Variants in SPATA17 observed in about 807,000 individuals in gnomAD.
The protein encoded by SPATA17 is spermatogenesis associated 17.
In SPATA17, 53 loss-of-function variants were observed where a neutral mutation model predicts 62.2. The observed-to-expected ratio is 0.85, with a 90% CI of 0.68 to 1.07. SPATA17 has a LOEUF of 1.07. Ranked by LOEUF, SPATA17 falls within the 50% of genes least tolerant of loss-of-function variation. The pLI is 0.00. For synonymous variants in SPATA17, 146 were observed against 146.8 expected, an observed-to-expected ratio of 0.99 and a Z score of 0.04; for missense variants, 466 against 425.5, an observed-to-expected ratio of 1.10 and a Z score of -0.84.
chr1:217,847,775 G>A (rs1328256683), intron 9 of SPATA17, among the ~76,000 whole-genome samples: 2 of 152,088 alleles, frequency 1.3e-5, no homozygotes, highest in Non-Finnish European at 2.9e-5. Context: ...ATCAGGCCAG[G>A]TGCCTGTAAT....
chr1:217,782,532 A>G (rs1673754485), intron 8 of SPATA17, among the ~76,000 whole-genome samples: 1 of 152,148 alleles, frequency 6.6e-6, no homozygotes. Flanking sequence ...AACTCAAAAG[A>G]CAAAAAAAAG....
intron 9 of SPATA17, among the ~76,000 whole-genome samples, chr1:217,829,852 A>G (rs1323852418): frequency 6.6e-6 from 1 of 151,912 alleles, no homozygotes; most frequent in Non-Finnish European, 1.5e-5. Context: ...CAGCGAGCCA[A>G]TGTACAACAT....
At chr1:217,725,446 T>C (rs1219525957) in intron 5 of SPATA17, among the ~76,000 whole-genome samples, 3 of 152,016 alleles carry the variant, frequency 2.0e-5, no homozygotes, top group Admixed American at 1.3e-4. Flanking sequence ...AAATACCAAA[T>C]TGTGTTTTTA....
Position 217,814,057 on chromosome 1 carries a change from C to T in SPATA17, c.1005+12207C>T, listed in dbSNP as rs569229636. 1.4e-4 allele frequency among the ~76,000 whole-genome samples: 22 copies of T among 152,062 alleles called. No individual in the cohort carries two copies. In the South Asian group the frequency reaches 4.6e-3, roughly 32 times the overall value. ...CTTTTAAAAATGATACAACAGGGTT[C>T]CTGATTTGAATTTTAACTTGTGAAT... On this transcript the variant is annotated intron_variant, in intron 9 of 10. Transcript: ENST00000366933.
intron 5 of SPATA17, among the ~76,000 whole-genome samples, chr1:217,723,971 A>G (rs1473068395): frequency 6.6e-6 from 1 of 152,214 alleles, no homozygotes; most frequent in Non-Finnish European, 1.5e-5. Context: ...GGCGGAGCTA[A>G]CCTCCAATCA....
chr1:217,825,463 G>T (rs537957437), intron 9 of SPATA17, among the ~76,000 whole-genome samples: 1 of 151,488 alleles, frequency 6.6e-6, no homozygotes, highest in African/African-American at 2.4e-5. Flanking sequence ...TTTTTCACTC[G>T]TGTAAAATAT....
At chr1:217,644,396 G>A (rs1190749651) in intron 1 of SPATA17, among the ~76,000 whole-genome samples, 1 of 152,080 alleles carries the variant, frequency 6.6e-6, no homozygotes, top group Non-Finnish European at 1.5e-5. Context: ...GAAATTATAT[G>A]CAAAACAATA....
intron 9 of SPATA17, among the ~76,000 whole-genome samples, chr1:217,822,284 T>C (rs1674882972): frequency 6.6e-6 from 1 of 152,072 alleles, no homozygotes; most frequent in African/African-American, 2.4e-5. Flanking sequence ...AAAATTCTTT[T>C]AAAAACTTAC....
chr1:217,810,807 AG>A (rs1278530938), intron 9 of SPATA17, among the ~76,000 whole-genome samples: 1 of 151,994 alleles, frequency 6.6e-6, no homozygotes, highest in Non-Finnish European at 1.5e-5. Flanking sequence ...GAAGAGTGCA[AG>A]GGGGAACTGC....
chr1:217,870,834 G>A lies in SPATA17; in HGVS notation c.*3815G>A, dbSNP rs1676114838. 6.6e-6 allele frequency: 1 copy of A among 152,056 alleles called. No individual in the cohort carries two copies. The highest frequency in any genetic ancestry group is 2.4e-5 in the African/African-American group (1 of 41,406). The allele number at this position is 152,056 out of a possible 1,614,324, so 9.4% of individuals were successfully genotyped here. ...TCCACTACTCTCTAATTTCCTTGAG[G>A]GCAAATATTGTCTTTCTTGATAAAT... On this transcript the variant is annotated 3_prime_UTR_variant, in exon 11 of 11. Transcript: ENST00000366933.
In SPATA17 at chr1:217,641,589, A is replaced by G. The variant is rs1194524030; in HGVS notation, c.69-7293A>G. Among the ~76,000 whole-genome samples the G allele has an allele frequency of 2.6e-5, 4 of 152,210 alleles. No individual in the cohort carries two copies. The East Asian group carries it at 7.7e-4, about 29-fold the overall frequency. On this transcript the variant is annotated intron_variant, in intron 1 of 10. Coordinates refer to ENST00000366933, the MANE Select transcript of SPATA17 (RefSeq NM_138796.4). Reference sequence around the variant, plus strand: ...ATAAATGTTTAGAGATTAAAAACACAGTATCTGAAATTTAAAAATTATTAG... The same window carrying G: ...ATAAATGTTTAGAGATTAAAAACACGGTATCTGAAATTTAAAAATTATTAG...
chr1:217,744,135 T>G (rs1672692292), intron 6 of SPATA17, among the ~76,000 whole-genome samples: 1 of 152,168 alleles, frequency 6.6e-6, no homozygotes, highest in Admixed American at 6.5e-5. Context: ...TCATTTCATT[T>G]CATTTCATTT....
At chr1:217,824,318 A>G (rs1400600546) in intron 9 of SPATA17, among the ~76,000 whole-genome samples, 1 of 151,612 alleles carries the variant, frequency 6.6e-6, no homozygotes, top group East Asian at 1.9e-4. Flanking sequence ...CTGTTCTTTT[A>G]TATATTATGT....
chr1:217,758,981 A>G lies in SPATA17; in HGVS notation c.520-15353A>G, dbSNP rs547475581. ...GTGGGCATGAAGGCATCAAAGAACT[A>G]TGAGGCTATAATATTGGGATGGGTT... On this transcript the variant is annotated intron_variant, in intron 6 of 10. Transcript: ENST00000366933. Among the ~76,000 whole-genome samples, 29 of 152,320 alleles carry G rather than the reference A, an allele frequency of 1.9e-4. 1 individual carries two copies. In the South Asian group the frequency reaches 6.0e-3, roughly 32 times the overall value.
rs1676085885 is a variant in SPATA17 at position 217,869,456 on chromosome 1, T to C, written c.*2437T>C. Reference sequence around the variant, plus strand: ...GTCAGACTCTTAGTAAATTATCTCCTGGATCAGTGAAAAGATGTGAAAAAA... The same window carrying C: ...GTCAGACTCTTAGTAAATTATCTCCCGGATCAGTGAAAAGATGTGAAAAAA... On this transcript the variant is annotated 3_prime_UTR_variant, in exon 11 of 11. Transcript: ENST00000366933. 1 of 152,170 alleles carries C rather than the reference T, an allele frequency of 6.6e-6. No homozygotes were observed. The highest frequency in any genetic ancestry group is 1.5e-5 in the Non-Finnish European group (1 of 68,028). 9.4% of individuals were successfully genotyped at this position (152,170 alleles called of 1,614,324 possible).
At chr1:217,636,974 A>G (rs1669956261) in intron 1 of SPATA17, among the ~76,000 whole-genome samples, 1 of 152,212 alleles carries the variant, frequency 6.6e-6, no homozygotes, top group Non-Finnish European at 1.5e-5. Context: ...GCTTCGCTGA[A>G]GGGAAAAGTA....
chr1:217,862,530 G>A (rs1675919399), intron 9 of SPATA17, among the ~76,000 whole-genome samples: 1 of 152,134 alleles, frequency 6.6e-6, no homozygotes, highest in Non-Finnish European at 1.5e-5. Flanking sequence ...GCATTGCCCA[G>A]ACTTGCTTGC....
rs34580904 is a variant in SPATA17 at position 217,818,882 on chromosome 1, C to CTTT, written c.1005+17045_1005+17047dup. ...CACCCATATTACTTATTTCATTTTC[C>CTTT]TTTTTTTTTTTTTTTGGCTTTCTTT... On this transcript the variant is annotated intron_variant, in intron 9 of 10. Transcript: ENST00000366933. Among the ~76,000 whole-genome samples the CTTT allele has an allele frequency of 4.5e-4, 56 of 125,378 alleles. 1 individual carries two copies. Among genetic ancestry groups the CTTT allele is most frequent in the Middle Eastern group, 7.2e-3 (1 of 138 alleles). The allele number at this position is 125,378 out of a possible 152,430, so 82.3% of individuals were successfully genotyped here. A position where few individuals can be genotyped will look rare whatever the true frequency, so the allele number is the denominator to read the frequency against.
chr1:217,712,869 A>C (rs1483165003), intron 5 of SPATA17, among the ~76,000 whole-genome samples: 3 of 152,142 alleles, frequency 2.0e-5, no homozygotes, highest in Non-Finnish European at 4.4e-5. Context: ...TCCTACTGGC[A>C]GAGTTGAAGT....
Sources: gnomAD v4.1 joint callset for allele counts (sites outside exome capture counted in the v4.1 genomes callset) on GRCh38, gnomAD v4.1.1 for gene constraint, MANE v1.5 for transcripts, NCBI Gene and HGNC (gene_info 2026-07-23, HGNC 2026-07-21) for gene names.